The following NFIX variants were observed in gnomAD, a reference collection of about 807,000 sequenced individuals.
The protein encoded by NFIX is nuclear factor I X.
Under a neutral mutation model 53.3 loss-of-function variants are expected in NFIX, and 2 were observed. That is an observed-to-expected ratio of 0.04 (90% CI 0.02 to 0.12). The LOEUF is 0.12. Ranked by LOEUF, NFIX falls within the 10% of genes least tolerant of loss-of-function variation. The pLI, the probability that NFIX is intolerant of heterozygous loss-of-function variation, is 1.00. For synonymous variants in NFIX, 244 were observed against 289.0 expected, an observed-to-expected ratio of 0.84 and a Z score of 1.58; for missense variants, 310 against 674.5, an observed-to-expected ratio of 0.46 and a Z score of 5.99.
Position 13,049,598 on chromosome 19 carries a change from T to C in NFIX, c.560-23449T>C, listed in dbSNP as rs1245817344. Among the ~76,000 whole-genome samples, 1 of 145,166 alleles carries C rather than the reference T, an allele frequency of 6.9e-6. No individual in the cohort carries two copies. Among genetic ancestry groups the C allele is most frequent in the Non-Finnish European group, 1.5e-5 (1 of 64,904 alleles). Reference sequence around the variant, plus strand: ...TAGCAGCAAGTGTCAGTGGTTCCTTTTTTTTTTTTTTTTGAGACAGAGTCT... The same window carrying C: ...TAGCAGCAAGTGTCAGTGGTTCCTTCTTTTTTTTTTTTTGAGACAGAGTCT... On this transcript the variant is annotated intron_variant, in intron 2 of 10. Coordinates refer to ENST00000592199, the MANE Select transcript of NFIX (RefSeq NM_001365902.3). The surrounding 1 kb of genome is among the most constrained non-coding windows in gnomAD (Gnocchi z 4.5).
At chr19:13,007,943 C>T (rs897421735) in intron 1 of NFIX, among the ~76,000 whole-genome samples, 1 of 152,174 alleles carries the variant, frequency 6.6e-6, no homozygotes, top group African/African-American at 2.4e-5. Context: ...ACACACAGAG[C>T]AGACACACAT....
rs2013021616 is a variant in NFIX at position 13,022,873 on chromosome 19, G to A, written c.28-2148G>A. Among the ~76,000 whole-genome samples, 2 of 152,044 alleles carry A rather than the reference G, an allele frequency of 1.3e-5. No individual in the cohort carries two copies. Among genetic ancestry groups the A allele is most frequent in the African/African-American group, 4.8e-5 (2 of 41,388 alleles). On this transcript the variant is annotated intron_variant, in intron 1 of 10. Transcript: ENST00000592199. The surrounding 1 kb of genome is among the most constrained non-coding windows in gnomAD (Gnocchi z 4.5). ...CCAAATGGACCCGAGTGGGAGCCTG[G>A]AATGAAAAATTCATAACTGCTGGAC...
At chr19:13,000,182 G>C (rs899414681) in intron 1 of NFIX, among the ~76,000 whole-genome samples, 1 of 152,176 alleles carries the variant, frequency 6.6e-6, no homozygotes, top group Non-Finnish European at 1.5e-5. Flanking sequence ...CTAATCTTGC[G>C]ACCTGAAGCA....
At chr19:13,075,406 G>C (rs1300480612) in intron 5 of NFIX, 129 bp from the exon 6 acceptor site, 2 of 1,005,740 alleles carry the variant, frequency 2.0e-6, no homozygotes, top group East Asian at 2.7e-5. Context: ...GCCCAGAAAT[G>C]CTGCTGTCGG....
At position 13,092,071 on chromosome 19, in the gene NFIX, C is replaced by T. The variant is rs547930752; in HGVS notation, c.1494+1681C>T. On this transcript the variant is annotated intron_variant, in intron 10 of 10. Coordinates refer to ENST00000592199, the MANE Select transcript of NFIX (RefSeq NM_001365902.3). ...GTTGGGGGAGCGGAAGCTGGACAAGCGGAGCTGGAGCCCTCGGGCCTGGGG... is the reference window on the plus strand; with the variant it reads ...GTTGGGGGAGCGGAAGCTGGACAAGTGGAGCTGGAGCCCTCGGGCCTGGGG... Among the ~76,000 whole-genome samples the T allele has an allele frequency of 1.8e-3, 268 of 152,116 alleles. 3 individuals are homozygous for T. Among genetic ancestry groups the T allele is most frequent in the Non-Finnish European group, 3.0e-3 (202 of 67,986 alleles).
chr19:13,023,240 GCA>G (rs1050735003), intron 1 of NFIX, among the ~76,000 whole-genome samples: 4 of 149,152 alleles, frequency 2.7e-5, no homozygotes, highest in African/African-American at 9.8e-5. Flanking sequence ...CAACCAGTGC[GCA>G]CACACACGCG....
chr19:13,081,566 A>T lies in NFIX; in HGVS notation c.1079-114A>T. 1 of 1,095,216 alleles carries T rather than the reference A, an allele frequency of 9.1e-7. No individual in the cohort carries two copies. The highest frequency in any genetic ancestry group is 1.3e-6 in the Non-Finnish European group (1 of 785,410). The allele number at this position is 1,095,216 out of a possible 1,614,324, so 67.8% of individuals were successfully genotyped here. The stretch of plus-strand genomic sequence containing the variant: ...CTTTTGTGCCTGTGGCGGCTGCCTT[A>T]CCTGCTCAGGATCCTCAGGACCCTC... On this transcript the variant is annotated intron_variant, in intron 7 of 10. Coordinates refer to ENST00000592199, the MANE Select transcript of NFIX (RefSeq NM_001365902.3). The surrounding 1 kb of genome is among the most constrained non-coding windows in gnomAD (Gnocchi z 4.7).
chr19:13,083,743 GA>G (rs1174417276), intron 8 of NFIX, among the ~76,000 whole-genome samples: 1 of 152,334 alleles, frequency 6.6e-6, no homozygotes, highest in South Asian at 2.1e-4. Flanking sequence ...AAGAGAGGGA[GA>G]GGGGGCTCAG....
intron 2 of NFIX, among the ~76,000 whole-genome samples, chr19:13,031,962 C>T (rs377439391): frequency 5.3e-5 from 8 of 152,182 alleles, no homozygotes; most frequent in South Asian, 2.1e-4. Context: ...TTGCCCTGTC[C>T]GTCCCATCCC....
Position 13,073,493 on chromosome 19 carries a change from C to A in NFIX, c.694C>A (p.Gln232Lys), listed in dbSNP as rs778191330. 1 of 1,613,544 alleles carries A rather than the reference C, an allele frequency of 6.2e-7. No individual in the cohort carries two copies. Among genetic ancestry groups the A allele is most frequent in the South Asian group, 1.1e-5 (1 of 91,064 alleles). The stretch of plus-strand genomic sequence containing the variant: ...TGTGACGGAGCTGGTGAGAGTATCA[C>A]AGAGTAAGTGAGTCCTTCCTTCCAG... ...WNVTELVRVS[Q>K]TPVATASGPN... Residue 232 changes from glutamine to lysine, a missense_variant, in exon 4 of 11, where the codon CAG becomes AAG. This residue lies in a region of NFIX where 164 missense variants were observed against 284.4 expected (regional missense o/e 0.58). Coordinates refer to ENST00000592199, the MANE Select transcript of NFIX (RefSeq NM_001365902.3). The surrounding 1 kb of genome is among the most constrained non-coding windows in gnomAD (Gnocchi z 4.5).
In NFIX at chr19:13,060,655, C is replaced by T. The variant is rs911213736; in HGVS notation, c.560-12392C>T. On this transcript the variant is annotated intron_variant, in intron 2 of 10. Coordinates refer to ENST00000592199, the MANE Select transcript of NFIX (RefSeq NM_001365902.3). The surrounding 1 kb of genome is among the most constrained non-coding windows in gnomAD (Gnocchi z 4.3). ...GGGTAGGGAGCAGCCCTCGCACAGC[C>T]AGCTAGACTGTTTTGCTCTGGGGCC... Among the ~76,000 whole-genome samples, 5 of 152,198 alleles carry T rather than the reference C, an allele frequency of 3.3e-5. No homozygotes were observed. The highest frequency in any genetic ancestry group is 7.3e-5 in the Non-Finnish European group (5 of 68,034).
At chr19:13,034,182 G>A (rs1302805860) in intron 2 of NFIX, among the ~76,000 whole-genome samples, 1 of 152,212 alleles carries the variant, frequency 6.6e-6, no homozygotes, top group Non-Finnish European at 1.5e-5. Context: ...CCCTGTTGGA[G>A]CCAGTTTCAT....
chr19:13,077,607 G>A (rs749062904), intron 6 of NFIX, among the ~76,000 whole-genome samples: 1 of 152,044 alleles, frequency 6.6e-6, no homozygotes. Flanking sequence ...AGTTAAGATG[G>A]CTCTTTATTT....
rs960384944 is a variant in NFIX at position 13,089,877 on chromosome 19, A to G, written c.1403-422A>G. ...CAGTACCTGAGAGGGGCCAGTGGGA[A>G]AGCAGGGTTATCCACTGAGGGTACC... On this transcript the variant is annotated intron_variant, in intron 9 of 10. Transcript: ENST00000592199. This position sits in a 1 kb window ranked among gnomAD's most constrained non-coding sequence, Gnocchi z 4.8. Among the ~76,000 whole-genome samples the G allele has an allele frequency of 6.6e-6, 1 of 152,146 alleles. No individual in the cohort carries two copies. Among genetic ancestry groups the G allele is most frequent in the Non-Finnish European group, 1.5e-5 (1 of 67,984 alleles).
rs140174495 is a variant in NFIX at position 13,029,580 on chromosome 19, G to A, written c.559+4028G>A. Reference sequence around the variant, plus strand: ...GAAGGAAACAGGTTGTTTGTCCTGTGGGGTTTCCTCAGCTGGACTCTGCAG... The same window carrying A: ...GAAGGAAACAGGTTGTTTGTCCTGTAGGGTTTCCTCAGCTGGACTCTGCAG... On this transcript the variant is annotated intron_variant, in intron 2 of 10. Transcript: ENST00000592199. Among the ~76,000 whole-genome samples the A allele has an allele frequency of 4.4e-3, 676 of 152,236 alleles. 8 individuals carry two copies. The highest frequency in any genetic ancestry group is 0.016 in the African/African-American group (657 of 41,520).
At chr19:13,084,627 G>C (rs1204949512) in intron 8 of NFIX, among the ~76,000 whole-genome samples, 1 of 152,134 alleles carries the variant, frequency 6.6e-6, no homozygotes, top group African/African-American at 2.4e-5. Context: ...GTGTTTCAGG[G>C]AGAAGGAAGA....
chr19:13,004,469 C>T lies in NFIX; in HGVS notation c.27+8605C>T, dbSNP rs146165218. On this transcript the variant is annotated intron_variant, in intron 1 of 10. Transcript: ENST00000592199. ...CCAGTGTTACCCCAGCACACAGGGA[C>T]GAGAGCCACACCCCCACACATATTC... Among the ~76,000 whole-genome samples, 28 of 152,222 alleles carry T rather than the reference C, an allele frequency of 1.8e-4. 1 individual carries two copies. Among genetic ancestry groups the T allele is most frequent in the East Asian group, 1.9e-4 (1 of 5,178 alleles).
intron 2 of NFIX, among the ~76,000 whole-genome samples, chr19:13,047,200 G>A (rs762763046): frequency 2.6e-5 from 4 of 151,678 alleles, no homozygotes; most frequent in Non-Finnish European, 5.9e-5. Flanking sequence ...AGGTTCCTCT[G>A]CAAGACCACT....
At chr19:13,058,820 A>C (rs973998021) in intron 2 of NFIX, among the ~76,000 whole-genome samples, 1 of 152,136 alleles carries the variant, frequency 6.6e-6, no homozygotes. Flanking sequence ...TCTGGGGGCC[A>C]GACAGGCAAG....
Sources: gnomAD v4.1 joint callset for allele counts (sites outside exome capture counted in the v4.1 genomes callset) on GRCh38, gnomAD v4.1.1 for gene constraint, gnomAD v4.1.1 regional missense constraint, Gnocchi (gnomAD v3.1) non-coding constraint, MANE v1.5 for transcripts, NCBI Gene and HGNC (gene_info 2026-07-23, HGNC 2026-07-21) for gene names.